GRM7: variants seen among roughly 807,000 people sequenced by gnomAD.
GRM7 encodes glutamate metabotropic receptor 7, also known as metabotropic glutamate receptor 7.
GRM7 carries 35 observed loss-of-function variants against 84.5 expected under a neutral mutation model. That is an observed-to-expected ratio of 0.41 (90% CI 0.32 to 0.55). The LOEUF (loss-of-function observed/expected upper bound fraction) is 0.55. Among genes scored for constraint, GRM7 ranks in the 20% least tolerant of loss-of-function variants. GRM7 has a pLI of 0.19. For missense variants in GRM7, 1,003 were observed against 1,194.6 expected (o/e 0.84, Z 2.36); for synonymous variants, 487 against 455.1 (o/e 1.07, Z -0.89).
chr3:7,640,092 CT>C (rs1415825176), intron 8 of GRM7, among the ~76,000 whole-genome samples: 1 of 152,156 alleles, frequency 6.6e-6, no homozygotes, highest in Admixed American at 6.6e-5. Context: ...CAAATGACCT[CT>C]TTTGGGCAAG....
intron 4 of GRM7, among the ~76,000 whole-genome samples, chr3:7,393,825 T>C (rs1349143314): frequency 1.3e-5 from 2 of 152,200 alleles, no homozygotes; most frequent in Non-Finnish European, 2.9e-5. Context: ...ATCAAGTAAG[T>C]CTTCATTCAA....
At chr3:7,249,427 T>G (rs542779532) in intron 2 of GRM7, among the ~76,000 whole-genome samples, 128 of 152,222 alleles carry the variant, frequency 8.4e-4, no homozygotes, top group Non-Finnish European at 1.2e-3. Context: ...AGTTGAAGAT[T>G]TCTCTGTATT....
At chr3:7,254,485 T>C (rs1310844111) in intron 2 of GRM7, among the ~76,000 whole-genome samples, 5 of 152,256 alleles carry the variant, frequency 3.3e-5, no homozygotes, top group Non-Finnish European at 7.3e-5. Context: ...CAAAGTTTCC[T>C]GTACAGGGCC....
intron 8 of GRM7, among the ~76,000 whole-genome samples, chr3:7,654,973 C>A (rs1374745862): frequency 1.3e-5 from 2 of 152,126 alleles, no homozygotes; most frequent in African/African-American, 4.8e-5. Context: ...ACTGGGAAGT[C>A]AATGCACTTA....
At chr3:6,906,986 C>T (rs1310379960) in intron 1 of GRM7, among the ~76,000 whole-genome samples, 3 of 152,176 alleles carry the variant, frequency 2.0e-5, no homozygotes, top group Non-Finnish European at 4.4e-5. Flanking sequence ...ACAAATTCAA[C>T]ACCTCCCAAT....
chr3:7,419,718 T>A (rs1239227781), intron 5 of GRM7, among the ~76,000 whole-genome samples: 11 of 152,216 alleles, frequency 7.2e-5, no homozygotes, highest in African/African-American at 2.7e-4. Flanking sequence ...GAATACTGAT[T>A]CATTAGAGTT....
intron 1 of GRM7, among the ~76,000 whole-genome samples, chr3:7,109,774 G>T (rs917744724): frequency 6.6e-6 from 1 of 151,924 alleles, no homozygotes; most frequent in Non-Finnish European, 1.5e-5. Context: ...AAAATTATGT[G>T]CAGGTAATAC....
chr3:7,403,379 A>G (rs1695533148), intron 4 of GRM7, among the ~76,000 whole-genome samples: 1 of 151,582 alleles, frequency 6.6e-6, no homozygotes, highest in East Asian at 1.9e-4. Flanking sequence ...TAATAGATAC[A>G]ATATCCACGA....
chr3:7,313,733 T>G (rs1575156291), intron 4 of GRM7, among the ~76,000 whole-genome samples: 1 of 152,180 alleles, frequency 6.6e-6, no homozygotes, highest in African/African-American at 2.4e-5. Flanking sequence ...GGAAATAATA[T>G]TTTGGTAAAT....
intron 1 of GRM7, among the ~76,000 whole-genome samples, chr3:6,935,858 G>A (rs1284429035): frequency 6.6e-6 from 1 of 151,952 alleles, no homozygotes; most frequent in Non-Finnish European, 1.5e-5. Context: ...AACACGCACG[G>A]CTAATTTTTG....
At chr3:7,580,362 G>T (rs1695190646) in intron 8 of GRM7, among the ~76,000 whole-genome samples, 1 of 152,152 alleles carries the variant, frequency 6.6e-6, no homozygotes, top group African/African-American at 2.4e-5. Flanking sequence ...GAGGACATTG[G>T]GGGTCTAGTC....
chr3:7,348,973 C>T (rs1693013524), intron 4 of GRM7, among the ~76,000 whole-genome samples: 1 of 152,056 alleles, frequency 6.6e-6, no homozygotes, highest in Non-Finnish European at 1.5e-5. Context: ...TTGATGAATA[C>T]TAATTAGATG....
chr3:7,297,675 G>T (rs1210039881), intron 2 of GRM7, among the ~76,000 whole-genome samples: 2 of 152,110 alleles, frequency 1.3e-5, no homozygotes, highest in Non-Finnish European at 2.9e-5. Flanking sequence ...CCACCCAGTT[G>T]TCCATGTTCT....
At chr3:7,641,228 C>T (rs757586329) in intron 8 of GRM7, among the ~76,000 whole-genome samples, 1 of 152,072 alleles carries the variant, frequency 6.6e-6, no homozygotes, top group Admixed American at 6.6e-5. Flanking sequence ...ACTTTCTGAC[C>T]CTCTGCCATT....
intron 2 of GRM7, among the ~76,000 whole-genome samples, chr3:7,297,729 A>G (rs1699860571): frequency 6.6e-6 from 1 of 152,220 alleles, no homozygotes; most frequent in African/African-American, 2.4e-5. Context: ...AACACATTAC[A>G]CATTAGAGTA....
chr3:7,386,537 G>GT (rs1179866826), intron 4 of GRM7, among the ~76,000 whole-genome samples: 4 of 152,128 alleles, frequency 2.6e-5, no homozygotes. Flanking sequence ...TTGGTTTTCT[G>GT]TTTCTGTATT....
At chr3:7,674,913 A>T (rs1700066385) in intron 8 of GRM7, among the ~76,000 whole-genome samples, 1 of 152,252 alleles carries the variant, frequency 6.6e-6, no homozygotes, top group East Asian at 1.9e-4. Flanking sequence ...CTGTACAAGT[A>T]GTGGAAGAGT....
chr3:7,585,867 G>A (rs566616238), intron 8 of GRM7, among the ~76,000 whole-genome samples: 1 of 152,262 alleles, frequency 6.6e-6, no homozygotes, highest in South Asian at 2.1e-4. Context: ...GTGCTGATGG[G>A]CAGTCAGGGG....
rs13320915 is a variant in GRM7, at chr3:6,921,374, G to A, written c.519+59467G>A. On this transcript the variant is annotated intron_variant, in intron 1 of 9. Transcript: ENST00000357716. ...GGGAGATAGTTTACCATCTAATGCC[G>A]GGCTGGTTTCAATAAGCCAAGTCCT... Among the ~76,000 whole-genome samples the A allele has an allele frequency of 8.2e-3, 1,247 of 152,278 alleles. 15 individuals are homozygous for A. Among genetic ancestry groups the A allele is most frequent in the African/African-American group, 0.028 (1,175 of 41,564 alleles).
Sources: allele counts gnomAD v4.1 joint callset (sites outside exome capture counted in the v4.1 genomes callset), GRCh38; gene constraint gnomAD v4.1.1; transcripts MANE v1.5; gene names NCBI Gene and HGNC (gene_info 2026-07-23, HGNC 2026-07-21).